Variants in DPYD observed in about 807,000 individuals in gnomAD.
The protein encoded by DPYD is dihydropyrimidine dehydrogenase [NADP(+)].
Under a neutral mutation model 116.2 loss-of-function variants are expected in DPYD, and 109 were observed. The observed-to-expected ratio is 0.94, with a 90% confidence interval of 0.80 to 1.10. The LOEUF (loss-of-function observed/expected upper bound fraction) is 1.10, where lower values mean the gene tolerates loss of function less well. Ranked by LOEUF, DPYD falls within the 50% of genes least tolerant of loss-of-function variation. The pLI is 0.00. For missense variants in DPYD, 1,302 were observed against 1,254.5 expected, an observed-to-expected ratio of 1.04 and a Z score of -0.57; for synonymous variants, 440 against 432.0, an observed-to-expected ratio of 1.02 and a Z score of -0.23.
intron 3 of DPYD, among the ~76,000 whole-genome samples, chr1:97,800,883 T>C (rs1265443362): frequency 4.6e-5 from 7 of 151,962 alleles, no homozygotes; most frequent in African/African-American, 2.4e-5. Context: ...TTAATTATTT[T>C]TGATTGTTCC....
intron 1 of DPYD, among the ~76,000 whole-genome samples, chr1:97,884,414 GGA>G (rs1273921586): frequency 3.9e-5 from 6 of 151,976 alleles, no homozygotes; most frequent in African/African-American, 1.4e-4. Context: ...AAAAGATCTG[GGA>G]GAGACACAGT....
At chr1:97,435,287 C>T (rs1675406851) in intron 14 of DPYD, among the ~76,000 whole-genome samples, 2 of 148,372 alleles carry the variant, frequency 1.3e-5, no homozygotes, top group Non-Finnish European at 3.0e-5. Context: ...TGGATAACTA[C>T]TAGTTACCTG....
chr1:97,383,417 A>G (rs143152993), intron 14 of DPYD, among the ~76,000 whole-genome samples: 3,453 of 150,982 alleles, frequency 0.023, 57 homozygotes, highest in Non-Finnish European at 0.038. Context: ...TGGAAGTTGC[A>G]GTGAGCCAAG....
chr1:97,768,484 T>C lies in DPYD; in HGVS notation c.234-28005A>G, dbSNP rs77889885. On this transcript the variant is annotated intron_variant, in intron 3 of 22. Transcript: ENST00000370192. ...GATTGACAGAAAAAGAAATTCACTC[T>C]TCTCTTTTATTGTCATTTTAGAAGA... 2.4e-4 allele frequency among the ~76,000 whole-genome samples: 37 copies of C among 152,302 alleles called. No homozygotes were observed. In the East Asian group the frequency reaches 7.0e-3, roughly 29 times the overall value.
At chr1:97,318,381 G>A (rs1667998828) in intron 16 of DPYD, among the ~76,000 whole-genome samples, 2 of 138,022 alleles carry the variant, frequency 1.4e-5, no homozygotes, top group Admixed American at 1.5e-4. Flanking sequence ...AAAGGATGGA[G>A]GAAGATCTAC....
chr1:97,756,003 T>C (rs185583029), intron 3 of DPYD, among the ~76,000 whole-genome samples: 6 of 152,184 alleles, frequency 3.9e-5, no homozygotes, highest in Admixed American at 3.3e-4. Context: ...GACTACCACA[T>C]CAGTTACTGT....
At chr1:97,436,198 T>C (rs1171759888) in intron 14 of DPYD, among the ~76,000 whole-genome samples, 1 of 151,972 alleles carries the variant, frequency 6.6e-6, no homozygotes, top group Non-Finnish European at 1.5e-5. Flanking sequence ...ACACTGATTG[T>C]TATGAAATAG....
chr1:97,454,815 A>G (rs1488522790), intron 13 of DPYD, among the ~76,000 whole-genome samples: 1 of 152,052 alleles, frequency 6.6e-6, no homozygotes, highest in Admixed American at 6.6e-5. Context: ...AATGGCCACA[A>G]TGAACACAAA....
At chr1:97,251,743 A>T (rs956202289) in intron 18 of DPYD, among the ~76,000 whole-genome samples, 2 of 152,180 alleles carry the variant, frequency 1.3e-5, no homozygotes, top group Admixed American at 6.6e-5. Context: ...GCATATAAAG[A>T]CAGGTATTAC....
At position 97,910,622 on chromosome 1, in the gene DPYD, T is replaced by C. The variant is rs77350815; in HGVS notation, c.39+10262A>G. On this transcript the variant is annotated intron_variant, in intron 1 of 22. Transcript: ENST00000370192. ...GGTCAAAACTAGTAAGTGGCAGAGC[T>C]AGGCTGTGAACATTAGCACTCTAAT... Among the ~76,000 whole-genome samples the C allele has an allele frequency of 5.9e-5, 9 of 152,198 alleles. No homozygotes were observed. In the South Asian group the frequency reaches 1.9e-3, roughly 32 times the overall value.
Position 97,334,354 on chromosome 1 carries a change from A to G in DPYD, c.2059-28057T>C, listed in dbSNP as rs574529048. The stretch of plus-strand genomic sequence containing the variant: ...AGACTTAAGATGCTAGAGGAACTGC[A>G]ACTGCTCCAGATGTACAAGTGCTAG... On this transcript the variant is annotated intron_variant, in intron 16 of 22. Transcript: ENST00000370192. 2.0e-5 allele frequency among the ~76,000 whole-genome samples: 3 copies of G among 152,334 alleles called. No homozygotes were observed. In the East Asian group the frequency reaches 5.8e-4, roughly 29 times the overall value.
chr1:97,842,145 C>T (rs966166812), intron 2 of DPYD, among the ~76,000 whole-genome samples: 2 of 151,828 alleles, frequency 1.3e-5, no homozygotes, highest in African/African-American at 4.8e-5. Flanking sequence ...TTCTTAAAAA[C>T]TGACTTGCTA....
intron 16 of DPYD, among the ~76,000 whole-genome samples, chr1:97,310,347 A>G (rs1161136666): frequency 6.6e-6 from 1 of 151,770 alleles, no homozygotes. Flanking sequence ...TCCCATTATC[A>G]TGTCCTAAAC....
chr1:97,488,183 G>GTT (rs1313445281), intron 13 of DPYD, among the ~76,000 whole-genome samples: 1 of 151,888 alleles, frequency 6.6e-6, no homozygotes, highest in African/African-American at 2.4e-5. Flanking sequence ...AATTTCAAAA[G>GTT]ATTACACTTG....
At chr1:97,468,248 ATCT>A (rs1317734915) in intron 13 of DPYD, among the ~76,000 whole-genome samples, 1 of 152,178 alleles carries the variant, frequency 6.6e-6, no homozygotes. Flanking sequence ...AATGTAACAA[ATCT>A]TCTAATTTAT....
At chr1:97,281,903 A>G (rs988352441) in intron 18 of DPYD, among the ~76,000 whole-genome samples, 1 of 152,078 alleles carries the variant, frequency 6.6e-6, no homozygotes, top group Non-Finnish European at 1.5e-5. Context: ...TATTTTACCA[A>G]TTTGATACTC....
At chr1:97,696,832 A>G (rs1661334187) in intron 6 of DPYD, among the ~76,000 whole-genome samples, 2 of 152,166 alleles carry the variant, frequency 1.3e-5, no homozygotes, top group African/African-American at 4.8e-5. Flanking sequence ...TACATCACAC[A>G]TTCTCAAAAT....
intron 10 of DPYD, among the ~76,000 whole-genome samples, chr1:97,574,499 C>T (rs1653133016): frequency 6.6e-6 from 1 of 151,998 alleles, no homozygotes; most frequent in African/African-American, 2.4e-5. Flanking sequence ...ATTTTTTCTT[C>T]CCTTTATAAA....
Position 97,886,838 on chromosome 1 carries a change from C to T in DPYD, c.40-3464G>A, listed in dbSNP as rs79956138. Among the ~76,000 whole-genome samples, 967 of 151,986 alleles carry T rather than the reference C, an allele frequency of 6.4e-3. 12 individuals are homozygous for T. Among genetic ancestry groups the T allele is most frequent in the African/African-American group, 0.022 (923 of 41,466 alleles). ...TAAGGCAGGTAGTTCATAAGGGAAA[C>T]CCAGGGAAAGAAACATAAGATGAGT... On this transcript the variant is annotated intron_variant, in intron 1 of 22. Transcript: ENST00000370192.
Sources: gnomAD v4.1 joint callset for allele counts (sites outside exome capture counted in the v4.1 genomes callset) on GRCh38, gnomAD v4.1.1 for gene constraint, MANE v1.5 for transcripts, NCBI Gene and HGNC (gene_info 2026-07-23, HGNC 2026-07-21) for gene names.